The following NCOA3 variants were observed in gnomAD, a reference collection of about 807,000 sequenced individuals.
NCOA3 encodes the protein nuclear receptor coactivator 3, also known as CBP-interacting protein.
Under a neutral mutation model 158.8 loss-of-function variants are expected in NCOA3, and 51 were observed. That is an observed-to-expected ratio of 0.32 (90% CI 0.26 to 0.41). The LOEUF is 0.41. NCOA3 is among the 10% of genes least tolerant of loss of function. The pLI, the probability that NCOA3 is intolerant of heterozygous loss-of-function variation, is 1.00. For synonymous variants in NCOA3, 537 were observed against 592.4 expected (o/e 0.91, Z 1.36); for missense variants, 1,510 against 1,746.6 (o/e 0.86, Z 2.41).
intron 2 of NCOA3, among the ~76,000 whole-genome samples, chr20:47,600,882 A>G (rs964474282): frequency 1.3e-5 from 2 of 152,058 alleles, no homozygotes; most frequent in African/African-American, 4.8e-5. Context: ...TCATATGACA[A>G]CTTACTGTAA....
At position 47,557,132 on chromosome 20, in the gene NCOA3, C is replaced by T. The variant is rs555939434; in HGVS notation, c.-98-26051C>T. Among the ~76,000 whole-genome samples, 45 of 152,286 alleles carry T rather than the reference C, an allele frequency of 3.0e-4. No homozygotes were observed. In the South Asian group the frequency reaches 8.9e-3, roughly 30 times the overall value. On this transcript the variant is annotated intron_variant, in intron 1 of 22. Coordinates refer to ENST00000371998, the MANE Select transcript of NCOA3 (RefSeq NM_181659.3). ...CACTCCTGCAGAAATTTCCATAGAA[C>T]GGATTCCTGAAAGTCAAATTTTTTG...
intron 17 of NCOA3, 109 bp downstream of exon 17, chr20:47,642,493 TG>T: frequency 3.1e-6 from 2 of 653,524 alleles, no homozygotes; most frequent in Non-Finnish European, 4.5e-6. Context: ...TCCTAGTACT[TG>T]TGTTATATCA....
At chr20:47,588,444 C>A (rs2085573111) in intron 2 of NCOA3, among the ~76,000 whole-genome samples, 1 of 152,090 alleles carries the variant, frequency 6.6e-6, no homozygotes, top group Non-Finnish European at 1.5e-5. Flanking sequence ...CTCCACCCCA[C>A]TTTTACTTCC....
At chr20:47,623,871 T>C in intron 3 of NCOA3, 40 bp from the exon 4 acceptor site, 1 of 1,568,694 alleles carries the variant, frequency 6.4e-7, no homozygotes, top group Non-Finnish European at 8.7e-7. Flanking sequence ...GATATATATA[T>C]TATGTCTCCT....
chr20:47,601,631 G>GT (rs2146261119), intron 2 of NCOA3, among the ~76,000 whole-genome samples: 1 of 152,302 alleles, frequency 6.6e-6, no homozygotes, highest in Non-Finnish European at 1.5e-5. Flanking sequence ...AACTTTTAGA[G>GT]TAATTGCCTT....
chr20:47,518,856 A>G (rs1401932732), intron 1 of NCOA3, among the ~76,000 whole-genome samples: 2 of 151,978 alleles, frequency 1.3e-5, no homozygotes, highest in African/African-American at 4.8e-5. Flanking sequence ...CTAAGAAATG[A>G]CTGGTGCGGT....
At chr20:47,645,421 C>T (rs1373516015) in intron 17 of NCOA3, among the ~76,000 whole-genome samples, 1 of 152,106 alleles carries the variant, frequency 6.6e-6, no homozygotes, top group Non-Finnish European at 1.5e-5. Context: ...GCTTGTTTTT[C>T]ATATGTATTT....
At chr20:47,571,532 G>A (rs945307809) in intron 1 of NCOA3, among the ~76,000 whole-genome samples, 34 of 151,828 alleles carry the variant, frequency 2.2e-4, no homozygotes, top group African/African-American at 8.2e-4. Flanking sequence ...TGCCCAGGCT[G>A]GTCTCGAACT....
chr20:47,571,829 C>T (rs978012893), intron 1 of NCOA3, among the ~76,000 whole-genome samples: 1 of 151,690 alleles, frequency 6.6e-6, no homozygotes, highest in Non-Finnish European at 1.5e-5. Context: ...CAGGCTCAAG[C>T]AATCCCTTCC....
intron 2 of NCOA3, among the ~76,000 whole-genome samples, chr20:47,584,721 T>TGAGGAG (rs57152438): frequency 0.14 from 20,523 of 151,824 alleles, 1,975 homozygotes; most frequent in African/African-American, 0.26. Context: ...TGAGTAGGCT[T>TGAGGAG]GAGGAGGAGA....
At chr20:47,636,846 G>T in intron 12 of NCOA3, 84 bp downstream of exon 12, 7 of 1,302,358 alleles carry the variant, frequency 5.4e-6, no homozygotes, top group South Asian at 1.7e-5. Context: ...TTCCATTTTA[G>T]GTTTATTTAA....
At chr20:47,635,215 CA>C (rs1329119913) in intron 10 of NCOA3, 106 bp from the exon 11 acceptor site, 1 of 1,110,572 alleles carries the variant, frequency 9.0e-7, no homozygotes, top group Admixed American at 2.7e-5. Context: ...AGGTGTTAGC[CA>C]CTGTAGCTGG....
At chr20:47,598,143 A>G (rs2085793639) in intron 2 of NCOA3, among the ~76,000 whole-genome samples, 1 of 143,856 alleles carries the variant, frequency 7.0e-6, no homozygotes, top group Non-Finnish European at 1.5e-5. Context: ...GCTACTCTGG[A>G]GGCTGAGGCA....
At chr20:47,645,081 C>T (rs969197137) in intron 17 of NCOA3, among the ~76,000 whole-genome samples, 2 of 152,100 alleles carry the variant, frequency 1.3e-5, no homozygotes, top group African/African-American at 4.8e-5. Context: ...TACCTGGTTG[C>T]ATTTTGGGAG....
chr20:47,653,122 G>T (rs566569392), intron 22 of NCOA3, 50 bp downstream of exon 22: 3 of 1,594,052 alleles, frequency 1.9e-6, no homozygotes, highest in African/African-American at 2.7e-5. Context: ...TTGTTCTCTG[G>T]ATAGAACTAA....
At chr20:47,651,856 C>T (rs1270250854) in intron 20 of NCOA3, among the ~76,000 whole-genome samples, 1 of 150,936 alleles carries the variant, frequency 6.6e-6, no homozygotes, top group African/African-American at 2.4e-5. Context: ...TTAATAGAGA[C>T]GGGGTTTCAC....
At chr20:47,601,674 A>G (rs2085866247) in intron 2 of NCOA3, among the ~76,000 whole-genome samples, 1 of 152,196 alleles carries the variant, frequency 6.6e-6, no homozygotes, top group African/African-American at 2.4e-5. Flanking sequence ...AAAACTTCTA[A>G]TTGGAGTATG....
At chr20:47,649,241 C>A in intron 19 of NCOA3, 132 bp downstream of exon 19, 15 of 543,682 alleles carry the variant, frequency 2.8e-5, no homozygotes, top group Non-Finnish European at 4.5e-5. Flanking sequence ...AAAGCAGTCG[C>A]ATTAAAGACT....
intron 1 of NCOA3, among the ~76,000 whole-genome samples, chr20:47,559,726 C>CA (rs1390382818): frequency 1.3e-5 from 2 of 151,704 alleles, no homozygotes; most frequent in South Asian, 2.1e-4. Flanking sequence ...ACTAAAAATA[C>CA]AAAAAAATTA....
Sources: allele counts gnomAD v4.1 joint callset (sites outside exome capture counted in the v4.1 genomes callset), GRCh38; gene constraint gnomAD v4.1.1; transcripts MANE v1.5; gene names NCBI Gene and HGNC (gene_info 2026-07-23, HGNC 2026-07-21).